Variants in MBNL1 observed in about 807,000 individuals in gnomAD.
MBNL1 encodes muscleblind-like protein 1.
Under a neutral mutation model 42.2 loss-of-function variants are expected in MBNL1, and 8 were observed. The observed-to-expected ratio is 0.19, with a 90% CI of 0.11 to 0.34. The LOEUF (loss-of-function observed/expected upper bound fraction) is 0.34. Ranked by LOEUF, MBNL1 falls within the 10% of genes least tolerant of loss-of-function variation. MBNL1 has a pLI of 1.00. For synonymous variants in MBNL1, 169 were observed against 173.9 expected (o/e 0.97, Z 0.22); for missense variants, 309 against 495.3 (o/e 0.62, Z 3.57).
At chr3:152,404,700 G>A (rs1300095779) in intron 2 of MBNL1, among the ~76,000 whole-genome samples, 1 of 150,092 alleles carries the variant, frequency 6.7e-6, no homozygotes, top group Non-Finnish European at 1.5e-5. Context: ...ACATATATAT[G>A]TATGTATATA....
At chr3:152,285,811 C>T (rs1322758116) in intron 1 of MBNL1, among the ~76,000 whole-genome samples, 2 of 151,500 alleles carry the variant, frequency 1.3e-5, no homozygotes, top group African/African-American at 4.9e-5. Flanking sequence ...TCTGTAGAGA[C>T]GGAGGTCTCA....
chr3:152,455,631 C>A, intron 7 of MBNL1, 54 bp downstream of exon 7: 14 of 1,513,892 alleles, frequency 9.2e-6, no homozygotes, highest in South Asian at 1.1e-5. Flanking sequence ...TACCTCACAG[C>A]CCCTCAAAAT....
intron 2 of MBNL1, among the ~76,000 whole-genome samples, chr3:152,256,819 A>G (rs2035502981): frequency 6.6e-6 from 1 of 152,198 alleles, no homozygotes; most frequent in Non-Finnish European, 1.5e-5. Context: ...AACAACAAGT[A>G]TAGATTCTTC....
chr3:152,433,209 G>A (rs1398050975), intron 4 of MBNL1, among the ~76,000 whole-genome samples: 3 of 152,082 alleles, frequency 2.0e-5, no homozygotes, highest in South Asian at 2.1e-4. Flanking sequence ...TTAAAACGGC[G>A]CTTACCTCAA....
chr3:152,250,595 A>C (rs2034348455), intron 2 of MBNL1, among the ~76,000 whole-genome samples: 1 of 151,336 alleles, frequency 6.6e-6, no homozygotes. Flanking sequence ...TCTTTTCCTA[A>C]TTGAATACCC....
At position 152,299,651 on chromosome 3, in the gene MBNL1, G is replaced by A; in HGVS notation, c.-543G>A. On this transcript the variant is annotated 5_prime_UTR_variant, in exon 2 of 10. Coordinates refer to ENST00000324210, the MANE Select transcript of MBNL1 (RefSeq NM_021038.5). ...GAAAAAGTAAGATATCTTCTGCCAG[G>A]AAATCAAGGAGGAAAAAAAAAATCA... 2.5e-6 allele frequency: 1 copy of A among 398,552 alleles called. No homozygotes were observed. The allele number at this position is 398,552 out of a possible 1,614,324, so 24.7% of individuals were successfully genotyped here.
chr3:152,340,695 G>C (rs759796632), intron 2 of MBNL1: 1 of 1,614,010 alleles, frequency 6.2e-7, no homozygotes, highest in South Asian at 1.1e-5. Context: ...CAAGATCCCA[G>C]ATGTAAACGG....
At chr3:152,358,893 A>G (rs2095724992) in intron 2 of MBNL1, among the ~76,000 whole-genome samples, 1 of 152,144 alleles carries the variant, frequency 6.6e-6, no homozygotes, top group African/African-American at 2.4e-5. Context: ...TACAGGTATG[A>G]GCCACCGTGC....
intron 1 of MBNL1, among the ~76,000 whole-genome samples, chr3:152,275,962 G>A (rs1203527770): frequency 1.3e-5 from 2 of 152,012 alleles, no homozygotes; most frequent in Non-Finnish European, 1.5e-5. Context: ...TTCTAAATCT[G>A]TGACATTATA....
Position 152,300,268 on chromosome 3 carries a change from G to A in MBNL1, c.75G>A (p.Gly25=), listed in dbSNP as rs909920090. 3.1e-6 allele frequency: 5 copies of A among 1,613,918 alleles called. No individual in the cohort carries two copies. In the East Asian group the frequency reaches 8.9e-5, roughly 29 times the overall value. The change falls in exon 2 of 10, where the codon GGG becomes GGA. Residue 25 remains glycine, a synonymous_variant. Coordinates refer to ENST00000324210, the MANE Select transcript of MBNL1 (RefSeq NM_021038.5). ...TLEVCREFQR[G]TCSRPDTECK... The stretch of plus-strand genomic sequence containing the variant: ...AAGTATGTAGAGAGTTCCAGAGGGG[G>A]ACTTGCTCACGGCCAGACACGGAAT...
At chr3:152,359,180 C>CA (rs1218089913) in intron 2 of MBNL1, among the ~76,000 whole-genome samples, 2 of 152,150 alleles carry the variant, frequency 1.3e-5, no homozygotes, top group Admixed American at 1.3e-4. Flanking sequence ...TCTTTGCTGT[C>CA]ACTAGCAGAA....
intron 4 of MBNL1, among the ~76,000 whole-genome samples, chr3:152,443,801 T>C (rs2099180379): frequency 1.3e-5 from 2 of 152,228 alleles, no homozygotes; most frequent in South Asian, 4.1e-4. Flanking sequence ...TCTTAATAAC[T>C]GAGTGTAGTG....
At chr3:152,277,396 G>A (rs542422049) in intron 1 of MBNL1, among the ~76,000 whole-genome samples, 1 of 152,244 alleles carries the variant, frequency 6.6e-6, no homozygotes, top group East Asian at 1.9e-4. Context: ...TGATAAACAA[G>A]GTGGCAGATA....
chr3:152,281,586 C>T (rs2048526578), intron 1 of MBNL1, among the ~76,000 whole-genome samples: 1 of 152,078 alleles, frequency 6.6e-6, no homozygotes, highest in Non-Finnish European at 1.5e-5. Flanking sequence ...CAGCACTCGC[C>T]AAGATCAGCA....
intron 2 of MBNL1, among the ~76,000 whole-genome samples, chr3:152,262,407 A>G (rs1040357858): frequency 6.6e-6 from 1 of 152,226 alleles, no homozygotes; most frequent in African/African-American, 2.4e-5. Flanking sequence ...GCAAGAAGGA[A>G]TAAGAGGAGC....
At chr3:152,321,303 A>G (rs1172923697) in intron 2 of MBNL1, among the ~76,000 whole-genome samples, 4 of 152,130 alleles carry the variant, frequency 2.6e-5, no homozygotes, top group Non-Finnish European at 4.4e-5. Flanking sequence ...AAATGCTACA[A>G]TCACCACTTG....
intron 4 of MBNL1, among the ~76,000 whole-genome samples, chr3:152,435,919 T>G (rs573519233): frequency 6.6e-6 from 1 of 152,322 alleles, no homozygotes; most frequent in East Asian, 1.9e-4. Flanking sequence ...GCTGAAGTTG[T>G]TTATCAGATC....
chr3:152,289,070 C>T (rs1190116494), intron 1 of MBNL1, among the ~76,000 whole-genome samples: 2 of 150,082 alleles, frequency 1.3e-5, no homozygotes, highest in African/African-American at 2.4e-5. Flanking sequence ...AGTACATATT[C>T]GTAAAGGTTT....
intron 2 of MBNL1, among the ~76,000 whole-genome samples, chr3:152,324,341 T>G (rs145242689): frequency 6.6e-6 from 1 of 152,314 alleles, no homozygotes; most frequent in African/African-American, 2.4e-5. Flanking sequence ...GATAGCAGTT[T>G]TGCACCTTTT....
Sources: gnomAD v4.1 joint callset for allele counts (sites outside exome capture counted in the v4.1 genomes callset) on GRCh38, gnomAD v4.1.1 for gene constraint, MANE v1.5 for transcripts, NCBI Gene and HGNC (gene_info 2026-07-23, HGNC 2026-07-21) for gene names.